The following DCAF6 variants were observed in gnomAD, a reference collection of about 807,000 sequenced individuals.
DCAF6 encodes DDB1- and CUL4-associated factor 6.
A neutral mutation model predicts 125.1 loss-of-function variants in DCAF6; 54 were observed. The observed-to-expected ratio is 0.43, with a 90% confidence interval of 0.35 to 0.54. The LOEUF (loss-of-function observed/expected upper bound fraction) is 0.54. DCAF6 is among the 20% of genes least tolerant of loss of function. The probability of loss-of-function intolerance (pLI) is 0.01; values close to 1 mark genes in which losing one functional copy is unlikely to be tolerated. For synonymous variants in DCAF6, 371 were observed against 390.4 expected (o/e 0.95, Z 0.58); for missense variants, 934 against 1,161.7 (o/e 0.80, Z 2.85).
intron 7 of DCAF6, among the ~76,000 whole-genome samples, chr1:168,001,696 A>C (rs1030285316): frequency 1.3e-5 from 2 of 152,162 alleles, no homozygotes; most frequent in Admixed American, 1.3e-4. Flanking sequence ...AAGAGCCAAG[A>C]GAGAGAAAAT....
chr1:168,024,756 A>G (rs1400739629), intron 12 of DCAF6, among the ~76,000 whole-genome samples: 1 of 149,718 alleles, frequency 6.7e-6, no homozygotes, highest in Non-Finnish European at 1.5e-5. Context: ...GTGAGCCGAG[A>G]TTGCGCCATT....
rs1361185631 is a variant in DCAF6 at position 168,055,340 on chromosome 1, T to G, written c.2300+4407T>G. On this transcript the variant is annotated intron_variant, in intron 17 of 21. Coordinates refer to ENST00000367840, the MANE Select transcript of DCAF6 (RefSeq NM_001198956.2). ...AAAAAATCAGGCTTAAGTTTTTTTT[T>G]TTTTTTTTTTTTTTTTTTTTAACGA... Among the ~76,000 whole-genome samples the G allele has an allele frequency of 2.1e-3, 12 of 5,702 alleles. 1 individual carries two copies. The highest frequency in any genetic ancestry group is 7.0e-3 in the Admixed American group (2 of 284). The allele number at this position is 5,702 out of a possible 152,430, so 3.7% of individuals were successfully genotyped here.
rs1417330222 is a variant in DCAF6, at chr1:168,002,563, C to T, written c.985C>T (p.Arg329Ter). Residue 329 changes from arginine to a stop codon, truncating the protein, a stop_gained, in exon 8 of 22, where the codon CGA (arginine) becomes TGA (stop). Coordinates refer to ENST00000367840, the MANE Select transcript of DCAF6 (RefSeq NM_001198956.2). LOFTEE classifies it high-confidence loss of function. The part of the protein sequence containing the change: ...TGPRARPESE[R>*]ERDGEQSPNV... ...ACCCAGAGCAAGGCCGGAGAGTGAA[C>T]GAGAACGAGATGGTAACTATACTTT... 2 of 1,612,256 alleles carry T rather than the reference C, an allele frequency of 1.2e-6. No homozygotes were observed. Among genetic ancestry groups the T allele is most frequent in the African/African-American group, 1.3e-5 (1 of 74,824 alleles).
intron 13 of DCAF6, chr1:168,042,747 T>A: frequency 4.2e-6 from 1 of 238,972 alleles, no homozygotes; most frequent in Non-Finnish European, 8.1e-6. Flanking sequence ...TAAAATTCAA[T>A]AGAGAGACAT....
At chr1:168,059,749 G>A (rs897831316) in intron 17 of DCAF6, among the ~76,000 whole-genome samples, 4 of 152,004 alleles carry the variant, frequency 2.6e-5, no homozygotes, top group African/African-American at 9.7e-5. Flanking sequence ...AGGCTCAGGC[G>A]ATCCTCCCAC....
At chr1:168,013,871 G>T (rs913450417) in intron 10 of DCAF6, among the ~76,000 whole-genome samples, 1 of 151,766 alleles carries the variant, frequency 6.6e-6, no homozygotes, top group Non-Finnish European at 1.5e-5. Context: ...TCAGCCTCCC[G>T]AGGGGCCACA....
chr1:168,073,686 C>T (rs1693420513), intron 21 of DCAF6, among the ~76,000 whole-genome samples: 1 of 152,074 alleles, frequency 6.6e-6, no homozygotes, highest in Admixed American at 6.5e-5. Context: ...TAGGCCGTTA[C>T]TGCTTCATCA....
At chr1:167,943,357 T>C (rs1242258592) in intron 1 of DCAF6, among the ~76,000 whole-genome samples, 1 of 152,236 alleles carries the variant, frequency 6.6e-6, no homozygotes, top group Non-Finnish European at 1.5e-5. Context: ...CAGGGAGAAC[T>C]GACATGTTTA....
intron 21 of DCAF6, among the ~76,000 whole-genome samples, chr1:168,068,701 A>G (rs79674562): frequency 1.3e-3 from 192 of 152,240 alleles, no homozygotes; most frequent in African/African-American, 4.5e-3. Flanking sequence ...AAAAACTCTT[A>G]TCAGCTGCTG....
At chr1:167,981,855 T>G (rs980553727) in intron 4 of DCAF6, among the ~76,000 whole-genome samples, 3 of 152,346 alleles carry the variant, frequency 2.0e-5, no homozygotes, top group South Asian at 2.1e-4. Context: ...GCATGTGTCT[T>G]TTTGGTAGAA....
chr1:167,989,611 G>A (rs1680541021), intron 5 of DCAF6, among the ~76,000 whole-genome samples: 4 of 152,162 alleles, frequency 2.6e-5, no homozygotes, highest in Admixed American at 6.5e-5. Flanking sequence ...GGCCGGGCGC[G>A]GTGGCTCACG....
At chr1:168,009,345 C>CCCTTCCTTCCTTCCTTCCTTCCTT (rs199573600) in intron 10 of DCAF6, among the ~76,000 whole-genome samples, 3 of 127,944 alleles carry the variant, frequency 2.3e-5, no homozygotes, top group African/African-American at 9.3e-5. Context: ...CTTCCTTCCT[C>CCCTTCCTTCCTTCCTTCCTTCCTT]CCTTCCTTCC....
At chr1:168,040,351 G>A (rs183308236) in intron 13 of DCAF6, among the ~76,000 whole-genome samples, 7 of 152,044 alleles carry the variant, frequency 4.6e-5, no homozygotes, top group Non-Finnish European at 1.0e-4. Context: ...ATATTTAAAA[G>A]GAAAAGGTTA....
the DCAF6 span, chr1:167,901,678 G>A: frequency 2.5e-6 from 4 of 1,614,162 alleles, no homozygotes; most frequent in East Asian, 8.9e-5. Context: ...TGACTCGGAT[G>A]TCTAGGCCTT....
the DCAF6 span, chr1:167,918,412 T>C: frequency 1.7e-6 from 2 of 1,194,450 alleles, no homozygotes; most frequent in Non-Finnish European, 2.4e-6. Flanking sequence ...GACAAATTTA[T>C]GGTAAGGAGA....
Position 168,044,639 on chromosome 1 carries a change from C to T in DCAF6, c.1898C>T (p.Ala633Val), listed in dbSNP as rs1688939268. Reference protein sequence around the residue: ...DVTKYQEGVSAENPVENHINI... With the variant: ...DVTKYQEGVSVENPVENHINI... ...ACAAAATATCAGGAAGGAGTATCTGCAGAAAACCCAGTTGAGAACCATATC... is the reference window on the plus strand; with the variant it reads ...ACAAAATATCAGGAAGGAGTATCTGTAGAAAACCCAGTTGAGAACCATATC... Residue 633 changes from alanine to valine, a missense_variant, in exon 15 of 22, where the codon GCA (alanine) becomes GTA (valine). By Grantham distance (64) the Ala-to-Val change is moderately conservative (BLOSUM62 0). This residue lies in a region of DCAF6 where 559 missense variants were observed against 635.5 expected (regional missense o/e 0.88). Coordinates refer to ENST00000367840, the MANE Select transcript of DCAF6 (RefSeq NM_001198956.2). 2 of 1,612,992 alleles carry T rather than the reference C, an allele frequency of 1.2e-6. No individual in the cohort carries two copies. Among genetic ancestry groups the T allele is most frequent in the Admixed American group, 3.3e-5 (2 of 59,976 alleles).
At chr1:167,912,632 G>GC in the DCAF6 span, among the ~76,000 whole-genome samples, 4 of 152,134 alleles carry the variant, frequency 2.6e-5, no homozygotes, top group African/African-American at 7.2e-5. Context: ...CGGCTTTGGA[G>GC]CCCCCCTCCC....
chr1:167,976,244 G>A (rs964317987), intron 4 of DCAF6, among the ~76,000 whole-genome samples: 4 of 152,112 alleles, frequency 2.6e-5, no homozygotes, highest in Admixed American at 6.5e-5. Flanking sequence ...TGAGGTGGGC[G>A]GATCACTTGA....
the DCAF6 span, chr1:167,893,919 C>G: frequency 6.2e-7 from 1 of 1,613,398 alleles, no homozygotes; most frequent in Non-Finnish European, 8.5e-7. Context: ...CAGGCTTCAG[C>G]GTGCATGCAA....
Sources: allele counts gnomAD v4.1 joint callset (sites outside exome capture counted in the v4.1 genomes callset), GRCh38; gene constraint gnomAD v4.1.1; regional missense constraint gnomAD v4.1.1; transcripts MANE v1.5; gene names NCBI Gene and HGNC (gene_info 2026-07-23, HGNC 2026-07-21).